The following SLC25A44 variants were observed in gnomAD, a reference collection of about 807,000 sequenced individuals.
The protein encoded by SLC25A44 is solute carrier family 25 member 44.
In SLC25A44, 17 loss-of-function variants were observed where a neutral mutation model predicts 29.9. The ratio of observed to expected loss-of-function variants is 0.57; its 90% CI spans 0.39 to 0.85. SLC25A44 has a LOEUF of 0.85. Ranked by LOEUF, SLC25A44 falls within the 40% of genes least tolerant of loss-of-function variation. The probability of loss-of-function intolerance (pLI) is 0.00; values close to 1 mark genes in which losing one functional copy is unlikely to be tolerated. For missense variants in SLC25A44, 302 were observed against 398.4 expected (o/e 0.76, Z 2.06); for synonymous variants, 140 against 151.8 (o/e 0.92, Z 0.57).
chr1:156,195,257 C>G (rs1468263850), intron 1 of SLC25A44, among the ~76,000 whole-genome samples: 2 of 152,150 alleles, frequency 1.3e-5, no homozygotes, highest in African/African-American at 2.4e-5. Flanking sequence ...GCGCCCACCA[C>G]CACGCCCGGC....
chr1:156,198,152 A>C lies in SLC25A44; in HGVS notation c.-13-1683A>C, dbSNP rs1381550762. Reference sequence around the variant, plus strand: ...ACCTCCTTTCTCTGGGATTTCTCTTAAAGTCTGGGGAGCCCCTGCTTCTCA... The same window carrying C: ...ACCTCCTTTCTCTGGGATTTCTCTTCAAGTCTGGGGAGCCCCTGCTTCTCA... On this transcript the variant is annotated intron_variant, in intron 1 of 3. Transcript: ENST00000359511. The surrounding 1 kb of genome is among the most constrained non-coding windows in gnomAD (Gnocchi z 4.1). The C allele has an allele frequency of 3.9e-5, 6 of 152,134 alleles. No individual in the cohort carries two copies. The allele number at this position is 152,134 out of a possible 1,614,324, so 9.4% of individuals were successfully genotyped here.
intron 3 of SLC25A44, among the ~76,000 whole-genome samples, chr1:156,208,293 AC>A (rs767984980): frequency 1.2e-4 from 19 of 152,164 alleles, no homozygotes; most frequent in Middle Eastern, 3.4e-3. Context: ...ACATGGTGAA[AC>A]CCTGTCTCTA....
intron 2 of SLC25A44, among the ~76,000 whole-genome samples, chr1:156,200,900 A>C (rs1656534629): frequency 7.4e-6 from 1 of 135,902 alleles, no homozygotes; most frequent in South Asian, 2.3e-4. Flanking sequence ...CAGTGGTGAG[A>C]TCTTGGCTCA....
chr1:156,200,872 GT>G (rs1361908786), intron 2 of SLC25A44, among the ~76,000 whole-genome samples: 1 of 118,998 alleles, frequency 8.4e-6, no homozygotes, highest in East Asian at 2.4e-4. Flanking sequence ...GTCTCACTCT[GT>G]CACCTAGGCT....
chr1:156,208,880 GA>G (rs1295938114), intron 3 of SLC25A44, among the ~76,000 whole-genome samples: 1 of 152,164 alleles, frequency 6.6e-6, no homozygotes, highest in Non-Finnish European at 1.5e-5. Flanking sequence ...CTAGACCAGG[GA>G]AATAGAATCT....
intron 2 of SLC25A44, among the ~76,000 whole-genome samples, chr1:156,200,693 G>A (rs1398744402): frequency 6.6e-6 from 1 of 152,118 alleles, no homozygotes; most frequent in East Asian, 1.9e-4. Flanking sequence ...AGGTATAAAG[G>A]CTAGAACAGT....
Position 156,200,350 on chromosome 1 carries a change from A to G in SLC25A44, c.503A>G (p.Asp168Gly). ...GTAGTTGCCTTTGGCCAAACCAAGG[A>G]CATCATCAGGCAGATCCTGCAGGCT... ...QGVVAFGQTK[D>G]IIRQILQADG... Residue 168 changes from aspartate (D) to glycine (G), a missense_variant, in exon 2 of 4, where the codon GAC becomes GGC. Coordinates refer to ENST00000359511, the MANE Select transcript of SLC25A44 (RefSeq NM_014655.4). 6.2e-7 allele frequency: 1 copy of G among 1,614,138 alleles called. No homozygotes were observed. The highest frequency in any genetic ancestry group is 1.6e-4 in the Middle Eastern group (1 of 6,062).
In SLC25A44 at chr1:156,211,077, TGTG is replaced by T. The variant is rs1345190306; in HGVS notation, c.*647_*649del. The T allele has an allele frequency of 6.6e-6, 1 of 152,452 alleles. No homozygotes were observed. The highest frequency in any genetic ancestry group is 2.5e-5 in the African/African-American group (1 of 40,442). 9.4% of individuals were successfully genotyped at this position (152,452 alleles called of 1,614,324 possible). A position where few individuals can be genotyped will look rare whatever the true frequency, so the allele number is the denominator to read the frequency against. On this transcript the variant is annotated 3_prime_UTR_variant, in exon 4 of 4. Transcript: ENST00000359511. ...TGTTTTGTGTGTGTGTGTGTGTGTG[TGTG>T]TGTGTGTGTGTGTGTGTGTGTTTTA... is the stretch of plus-strand genomic sequence containing the variant.
chr1:156,209,845 C>T (rs1169305853), intron 3 of SLC25A44, among the ~76,000 whole-genome samples: 3 of 152,100 alleles, frequency 2.0e-5, no homozygotes, highest in Non-Finnish European at 4.4e-5. Context: ...CATAGATTAT[C>T]TCATGATATC....
At chr1:156,196,087 A>C (rs1307467258) in intron 1 of SLC25A44, 1 of 152,272 alleles carries the variant, frequency 6.6e-6, no homozygotes, top group Non-Finnish European at 1.5e-5. Flanking sequence ...AATTGGAGCC[A>C]TGCACATGAG....
At chr1:156,204,663 T>C (rs1483380271) in intron 2 of SLC25A44, among the ~76,000 whole-genome samples, 1 of 151,822 alleles carries the variant, frequency 6.6e-6, no homozygotes, top group Non-Finnish European at 1.5e-5. Flanking sequence ...ATTTTTTGTA[T>C]TTTTAGTAGA....
At chr1:156,201,355 C>G (rs1201772112) in intron 2 of SLC25A44, among the ~76,000 whole-genome samples, 1 of 152,058 alleles carries the variant, frequency 6.6e-6, no homozygotes, top group African/African-American at 2.4e-5. Flanking sequence ...TGCCTGCTAC[C>G]CTGGGACATC....
At chr1:156,197,308 T>TGCCTACAGCAA (rs1656273133) in intron 1 of SLC25A44, 2 of 152,198 alleles carry the variant, frequency 1.3e-5, no homozygotes, top group South Asian at 4.1e-4. Flanking sequence ...GGCATATCAT[T>TGCCTACAGCAA]GTTCTAGGGG....
rs1657240941 is a variant in SLC25A44 at position 156,210,670 on chromosome 1, C to T, written c.*239C>T. The T allele has an allele frequency of 3.1e-6, 1 of 319,242 alleles. No homozygotes were observed. The highest frequency in any genetic ancestry group is 5.2e-5 in the East Asian group (1 of 19,362). 19.8% of individuals were successfully genotyped at this position (319,242 alleles called of 1,614,324 possible). On this transcript the variant is annotated 3_prime_UTR_variant, in exon 4 of 4. Transcript: ENST00000359511. ...CTGAGCTGGGCTCCCTCACTCAGTC[C>T]CTGTATTTGATACTGGCCTAAAGAC...
intron 2 of SLC25A44, 39 bp downstream of exon 2, chr1:156,200,511 T>G (rs186570539): frequency 6.8e-5 from 104 of 1,539,968 alleles, no homozygotes; most frequent in Middle Eastern, 5.2e-4. Flanking sequence ...GAAGGTGGGA[T>G]TTCTAATGGG....
At chr1:156,201,543 T>C (rs1443350177) in intron 2 of SLC25A44, among the ~76,000 whole-genome samples, 1 of 152,204 alleles carries the variant, frequency 6.6e-6, no homozygotes, top group Non-Finnish European at 1.5e-5. Context: ...TTTCTGTGGC[T>C]CTGTACTTTC....
At chr1:156,205,139 G>T (rs2736607) in intron 2 of SLC25A44, among the ~76,000 whole-genome samples, 30,525 of 151,932 alleles carry the variant, frequency 0.2, 3,739 homozygotes, top group Non-Finnish European at 0.28. Context: ...CACCTCCCGG[G>T]TTCAAGCGAT....
At chr1:156,202,282 C>T (rs1481510847) in intron 2 of SLC25A44, among the ~76,000 whole-genome samples, 2 of 152,196 alleles carry the variant, frequency 1.3e-5, no homozygotes, top group Non-Finnish European at 2.9e-5. Flanking sequence ...CTCCTGAGTT[C>T]TCTTCCTTCC....
rs77583839 is a variant in SLC25A44 at position 156,207,573 on chromosome 1, C to G, written c.626-313C>G. Reference sequence around the variant, plus strand: ...GCTGAGATGGGAGGATTGCTTGAGCCCAGGAGATTGAGGCTGCAGTGAGCC... The same window carrying G: ...GCTGAGATGGGAGGATTGCTTGAGCGCAGGAGATTGAGGCTGCAGTGAGCC... On this transcript the variant is annotated intron_variant, in intron 2 of 3. Coordinates refer to ENST00000359511, the MANE Select transcript of SLC25A44 (RefSeq NM_014655.4). Among the ~76,000 whole-genome samples, 496 of 152,076 alleles carry G rather than the reference C, an allele frequency of 3.3e-3. 2 individuals carry two copies. The highest frequency in any genetic ancestry group is 0.011 in the African/African-American group (476 of 41,476).
Sources: gnomAD v4.1 joint callset for allele counts (sites outside exome capture counted in the v4.1 genomes callset) on GRCh38, gnomAD v4.1.1 for gene constraint, Gnocchi (gnomAD v3.1) non-coding constraint, MANE v1.5 for transcripts, NCBI Gene and HGNC (gene_info 2026-07-23, HGNC 2026-07-21) for gene names.